The following SNX18 variants were observed in gnomAD, a reference collection of about 807,000 sequenced individuals.
SNX18 encodes the protein sorting nexin 18.
A neutral mutation model predicts 48.7 loss-of-function variants in SNX18; 35 were observed. The ratio of observed to expected loss-of-function variants is 0.72; its 90% CI spans 0.55 to 0.95. The LOEUF (loss-of-function observed/expected upper bound fraction) is 0.95. SNX18 is among the 40% of genes least tolerant of loss of function. The pLI, the probability that SNX18 is intolerant of heterozygous loss-of-function variation, is 0.00. For synonymous variants in SNX18, 492 were observed against 384.7 expected (o/e 1.28, Z -3.26); for missense variants, 824 against 871.0 (o/e 0.95, Z 0.68).
intron 1 of SNX18, among the ~76,000 whole-genome samples, chr5:54,525,536 G>A (rs906953980): frequency 3.3e-5 from 5 of 152,140 alleles, no homozygotes; most frequent in African/African-American, 4.8e-5. Flanking sequence ...TAATCAGTTC[G>A]CCCTGTATTG....
At chr5:54,626,371 G>C in the SNX18 span, among the ~76,000 whole-genome samples, 2 of 151,858 alleles carry the variant, frequency 1.3e-5, no homozygotes, top group Admixed American at 1.3e-4. Context: ...TGCCTAGGCC[G>C]GTCTCAAACT....
intron 1 of SNX18, among the ~76,000 whole-genome samples, chr5:54,541,921 G>A (rs1365756597): frequency 6.6e-6 from 1 of 151,938 alleles, no homozygotes; most frequent in Non-Finnish European, 1.5e-5. Flanking sequence ...TTCACTATTG[G>A]GCAAAACAAC....
chr5:54,633,704 C>T, the SNX18 span, among the ~76,000 whole-genome samples: 1 of 152,200 alleles, frequency 6.6e-6, no homozygotes, highest in Non-Finnish European at 1.5e-5. Context: ...TTACCTGTTA[C>T]TATGCATTTT....
the SNX18 span, among the ~76,000 whole-genome samples, chr5:54,638,080 C>T: frequency 0.12 from 18,325 of 152,210 alleles, 1,170 homozygotes; most frequent in African/African-American, 0.14. Context: ...CACCAAGGTG[C>T]GGGCTCCCAT....
At chr5:54,565,723 T>C in the SNX18 span, among the ~76,000 whole-genome samples, 2 of 152,202 alleles carry the variant, frequency 1.3e-5, no homozygotes, top group Non-Finnish European at 2.9e-5. Context: ...TTTCTAACTG[T>C]TATCAGTAGG....
At chr5:54,633,034 A>G in the SNX18 span, among the ~76,000 whole-genome samples, 1 of 152,044 alleles carries the variant, frequency 6.6e-6, no homozygotes, top group African/African-American at 2.4e-5. Context: ...TGGCCTCCCA[A>G]AGTGCTGGGA....
In SNX18 at chr5:54,518,028, G is replaced by T; in HGVS notation, c.76G>T (p.Val26Leu). 6.5e-7 allele frequency: 1 copy of T among 1,548,554 alleles called. No homozygotes were observed. ...PGEISLREHE[V>L]LSLCSEQDIE... ...AGAGATCTCGCTGCGAGAGCACGAG[G>T]TGCTGAGCCTGTGCAGCGAGCAGGA... Residue 26 changes from valine (V) to leucine (L), a missense_variant, in exon 1 of 2, where the codon GTG (valine) becomes TTG (leucine). Val to Leu is a conservative substitution (Grantham distance 32). Transcript: ENST00000381410.
chr5:54,580,883 G>T, the SNX18 span, among the ~76,000 whole-genome samples: 1 of 152,160 alleles, frequency 6.6e-6, no homozygotes, highest in Non-Finnish European at 1.5e-5. Flanking sequence ...TAGAAATTTT[G>T]ACCTTTGCTT....
chr5:54,620,094 T>C, the SNX18 span, among the ~76,000 whole-genome samples: 1 of 152,194 alleles, frequency 6.6e-6, no homozygotes, highest in South Asian at 2.1e-4. Flanking sequence ...ACAATGGTTT[T>C]GTCCTTCAGT....
chr5:54,618,541 A>C, the SNX18 span, among the ~76,000 whole-genome samples: 38 of 152,318 alleles, frequency 2.5e-4, no homozygotes, highest in African/African-American at 9.1e-4. Flanking sequence ...CAAAAATGGG[A>C]TCATTAGATC....
At chr5:54,567,618 A>G in the SNX18 span, among the ~76,000 whole-genome samples, 1 of 152,226 alleles carries the variant, frequency 6.6e-6, no homozygotes, top group Non-Finnish European at 1.5e-5. Context: ...TTTTCACTGC[A>G]TGCCTTACTC....
chr5:54,528,828 G>A (rs1256612824), intron 1 of SNX18, among the ~76,000 whole-genome samples: 1 of 152,172 alleles, frequency 6.6e-6, no homozygotes, highest in African/African-American at 2.4e-5. Context: ...TCGGGGAAGG[G>A]CAGTCTGGGC....
At chr5:54,579,651 G>C in the SNX18 span, among the ~76,000 whole-genome samples, 77,104 of 151,960 alleles carry the variant, frequency 0.51, 20,326 homozygotes, top group Non-Finnish European at 0.59. Flanking sequence ...GGAATACAGA[G>C]AGAAGTACAC....
chr5:54,585,730 G>A, the SNX18 span, among the ~76,000 whole-genome samples: 7,858 of 151,978 alleles, frequency 0.052, 268 homozygotes, highest in Non-Finnish European at 0.081. Flanking sequence ...CCGGCCGGGC[G>A]CGGTGGCTCA....
chr5:54,574,284 G>A, the SNX18 span, among the ~76,000 whole-genome samples: 8 of 152,194 alleles, frequency 5.3e-5, no homozygotes, highest in Middle Eastern at 3.2e-3. Context: ...TAGTGGCTGG[G>A]CGCTAAGAGG....
Position 54,519,126 on chromosome 5 carries a change from C to G in SNX18, c.1174C>G (p.Gln392Glu). 6.2e-7 allele frequency: 1 copy of G among 1,614,116 alleles called. No homozygotes were observed. The highest frequency in any genetic ancestry group is 8.5e-7 in the Non-Finnish European group (1 of 1,180,026). ...CAGCACCGACGAGAAAGCCTGGAAG[C>G]AGGGCAAGAGGAAGGCCGAGAAGGA... is the stretch of plus-strand genomic sequence containing the variant. ...PSSTDEKAWK[Q>E]GKRKAEKDEM... Residue 392 changes from glutamine (Q) to glutamate (E), a missense_variant, in exon 1 of 2, where the codon CAG (glutamine) becomes GAG (glutamate). Physicochemically the swap from Gln to Glu is conservative, Grantham distance 29 (BLOSUM62 2). Around this residue, in one of 3 missense-constraint regions of SNX18, gnomAD observed 443 missense variants for 503.6 expected, o/e 0.88. Transcript: ENST00000381410.
chr5:54,571,923 C>T, the SNX18 span, among the ~76,000 whole-genome samples: 1 of 152,232 alleles, frequency 6.6e-6, no homozygotes, highest in South Asian at 2.1e-4. Context: ...TTTGTGGCAC[C>T]CCCTACCATG....
the SNX18 span, among the ~76,000 whole-genome samples, chr5:54,577,684 G>A: frequency 2.0e-5 from 3 of 152,200 alleles, no homozygotes; most frequent in Admixed American, 2.0e-4. Context: ...ATGTAGGGAA[G>A]GGGTGGGGTC....
At chr5:54,553,165 T>C in the SNX18 span, among the ~76,000 whole-genome samples, 5 of 152,180 alleles carry the variant, frequency 3.3e-5, no homozygotes, top group African/African-American at 1.2e-4. Flanking sequence ...CTGAGGACTT[T>C]GGCTTTTTCT....
Sources: gnomAD v4.1 joint callset for allele counts (sites outside exome capture counted in the v4.1 genomes callset) on GRCh38, gnomAD v4.1.1 for gene constraint, gnomAD v4.1.1 regional missense constraint, MANE v1.5 for transcripts, NCBI Gene and HGNC (gene_info 2026-07-23, HGNC 2026-07-21) for gene names.